The following MYOCD variants were observed in gnomAD, a reference collection of about 807,000 sequenced individuals.
MYOCD encodes myocardin.
MYOCD carries 32 observed loss-of-function variants against 96.1 expected under a neutral mutation model. The ratio of observed to expected loss-of-function variants is 0.33; its 90% confidence interval spans 0.25 to 0.45. The LOEUF is 0.45. Among genes scored for constraint, MYOCD ranks in the 20% least tolerant of loss-of-function variants. MYOCD has a pLI of 1.00. For synonymous variants in MYOCD, 469 were observed against 469.0 expected (o/e 1.00, Z 0.00); for missense variants, 1,133 against 1,200.6 (o/e 0.94, Z 0.83).
At position 12,742,999 on chromosome 17, in the gene MYOCD, A is replaced by G. The variant is rs1266228731; in HGVS notation, c.718-1184A>G. Among the ~76,000 whole-genome samples, 3 of 152,138 alleles carry G rather than the reference A, an allele frequency of 2.0e-5. No individual in the cohort carries two copies. The South Asian group carries it at 6.2e-4, about 32-fold the overall frequency. ...TCATTGACTACCTGTTATTATTTCA[A>G]TATTATCTTTTATAGTCTTTATATT... On this transcript the variant is annotated intron_variant, in intron 7 of 13. Coordinates refer to ENST00000425538, the MANE Select transcript of MYOCD (RefSeq NM_001146312.3).
At chr17:12,680,792 G>A (rs1399605711) in intron 1 of MYOCD, among the ~76,000 whole-genome samples, 1 of 152,174 alleles carries the variant, frequency 6.6e-6, no homozygotes, top group Non-Finnish European at 1.5e-5. Context: ...TGTTTGTGAT[G>A]GAAGGAAAAG....
intron 10 of MYOCD, among the ~76,000 whole-genome samples, chr17:12,755,956 G>A (rs1287194592): frequency 6.6e-6 from 1 of 152,190 alleles, no homozygotes; most frequent in Admixed American, 6.5e-5. Context: ...ATGCTGGTGG[G>A]AGGGAGGGAC....
chr17:12,710,319 C>T (rs557968654), intron 2 of MYOCD, among the ~76,000 whole-genome samples: 1 of 152,298 alleles, frequency 6.6e-6, no homozygotes, highest in East Asian at 1.9e-4. Flanking sequence ...CTAAAGTGGA[C>T]TTGAGAGGAC....
chr17:12,666,557 A>G lies in MYOCD; in HGVS notation c.55+314A>G, dbSNP rs80350962. Among the ~76,000 whole-genome samples the G allele has an allele frequency of 5.0e-3, 756 of 152,268 alleles. 10 individuals carry two copies. Among genetic ancestry groups the G allele is most frequent in the African/African-American group, 0.017 (715 of 41,564 alleles). On this transcript the variant is annotated intron_variant, in intron 1 of 13. Transcript: ENST00000425538. ...GAGGGAGCAACTTTGGAAATGAACA[A>G]ATAAGGGATTTCAAGTTTGGAAGCT...
chr17:12,706,908 AATAATAAAGC>A (rs1567580757), intron 2 of MYOCD, among the ~76,000 whole-genome samples: 2 of 152,198 alleles, frequency 1.3e-5, no homozygotes, highest in Non-Finnish European at 2.9e-5. Context: ...CAAATCATGA[AATAATAAAGC>A]ATTTTAAAAT....
chr17:12,716,359 C>G (rs1426201152), intron 3 of MYOCD, among the ~76,000 whole-genome samples: 1 of 108,814 alleles, frequency 9.2e-6, no homozygotes, highest in Non-Finnish European at 2.5e-5. Flanking sequence ...TCCCAGACCC[C>G]TCTCAGGGGG....
intron 1 of MYOCD, among the ~76,000 whole-genome samples, chr17:12,679,958 C>G (rs993482080): frequency 6.6e-6 from 1 of 152,144 alleles, no homozygotes; most frequent in African/African-American, 2.4e-5. Context: ...TTAATTTTGC[C>G]TTTCATCCTG....
intron 1 of MYOCD, among the ~76,000 whole-genome samples, chr17:12,667,811 A>C (rs2150623177): frequency 6.6e-6 from 1 of 152,258 alleles, no homozygotes; most frequent in South Asian, 2.1e-4. Context: ...GTGTCTCCTA[A>C]GTAGACCCTG....
At chr17:12,720,423 C>T (rs1276503001) in intron 4 of MYOCD, 1 of 152,066 alleles carries the variant, frequency 6.6e-6, no homozygotes, top group Non-Finnish European at 1.5e-5. Context: ...CGTGTGTATC[C>T]CTGTCCTGAA....
intron 4 of MYOCD, among the ~76,000 whole-genome samples, chr17:12,718,530 T>C (rs2031718189): frequency 6.6e-6 from 1 of 152,228 alleles, no homozygotes; most frequent in Admixed American, 6.5e-5. Context: ...TTGTGAACCT[T>C]GGTTCTTTGA....
chr17:12,709,323 A>G (rs1332488267), intron 2 of MYOCD, among the ~76,000 whole-genome samples: 1 of 152,172 alleles, frequency 6.6e-6, no homozygotes, highest in Non-Finnish European at 1.5e-5. Context: ...ATCCCCATGA[A>G]TCACTTCTCT....
chr17:12,744,061 A>G, intron 7 of MYOCD, 122 bp from the exon 8 acceptor site: 1 of 1,176,244 alleles, frequency 8.5e-7, no homozygotes, highest in Non-Finnish European at 1.2e-6. Context: ...TGCCTTTGCT[A>G]TATTATATTT....
chr17:12,730,057 G>A (rs2150697157), intron 5 of MYOCD, among the ~76,000 whole-genome samples: 1 of 152,150 alleles, frequency 6.6e-6, no homozygotes, highest in African/African-American at 2.4e-5. Context: ...TGAGGCAGGA[G>A]GATCACTTGA....
chr17:12,668,374 AT>A (rs1567563769), intron 1 of MYOCD, among the ~76,000 whole-genome samples: 4 of 152,346 alleles, frequency 2.6e-5, no homozygotes, highest in African/African-American at 9.6e-5. Flanking sequence ...CATTAAACAT[AT>A]TTCAAAAAAT....
At chr17:12,710,603 C>T (rs1489014236) in intron 2 of MYOCD, 12 of 589,378 alleles carry the variant, frequency 2.0e-5, no homozygotes, top group Non-Finnish European at 2.6e-5. Flanking sequence ...ATTCCCGCAC[C>T]CATATCACAT....
chr17:12,712,895 G>A (rs530119929), intron 2 of MYOCD, among the ~76,000 whole-genome samples: 1 of 152,288 alleles, frequency 6.6e-6, no homozygotes, highest in South Asian at 2.1e-4. Flanking sequence ...CAGCAGAAGT[G>A]GTTTTTTGTG....
intron 1 of MYOCD, among the ~76,000 whole-genome samples, chr17:12,676,666 A>G (rs1046565956): frequency 1.3e-5 from 2 of 152,146 alleles, no homozygotes; most frequent in African/African-American, 4.8e-5. Context: ...AATTCTCATT[A>G]ATCCTGGGTC....
intron 5 of MYOCD, 60 bp from the exon 6 acceptor site, chr17:12,736,101 C>T: frequency 1.4e-6 from 2 of 1,446,270 alleles, no homozygotes; most frequent in Non-Finnish European, 1.9e-6. Context: ...GAAGCATTTC[C>T]AAAAATGCCC....
intron 1 of MYOCD, among the ~76,000 whole-genome samples, chr17:12,686,597 C>T (rs766256028): frequency 2.0e-5 from 3 of 152,178 alleles, no homozygotes; most frequent in African/African-American, 4.8e-5. Context: ...CAGGGCTTAT[C>T]GTATCTGCAA....
Sources: gnomAD v4.1 joint callset for allele counts (sites outside exome capture counted in the v4.1 genomes callset) on GRCh38, gnomAD v4.1.1 for gene constraint, MANE v1.5 for transcripts, NCBI Gene and HGNC (gene_info 2026-07-23, HGNC 2026-07-21) for gene names.